The following MACROD2 variants were observed in gnomAD, a reference collection of about 807,000 sequenced individuals.
MACROD2 encodes the protein ADP-ribose glycohydrolase MACROD2.
In MACROD2, 36 loss-of-function variants were observed where a neutral mutation model predicts 70.4. That is an observed-to-expected ratio of 0.51 (90% CI 0.39 to 0.68). The LOEUF (loss-of-function observed/expected upper bound fraction) is 0.68. Among genes scored for constraint, MACROD2 ranks in the 30% least tolerant of loss-of-function variants. The probability of loss-of-function intolerance (pLI) is 0.00; values close to 1 mark genes in which losing one functional copy is unlikely to be tolerated. For missense variants in MACROD2, 496 were observed against 538.4 expected (o/e 0.92, Z 0.78); for synonymous variants, 172 against 178.8 (o/e 0.96, Z 0.30).
chr20:14,280,347 T>C (rs1271542350), intron 3 of MACROD2, among the ~76,000 whole-genome samples: 1 of 152,188 alleles, frequency 6.6e-6, no homozygotes, highest in Non-Finnish European at 1.5e-5. Context: ...TTGGAAGATA[T>C]ATGCTTAATG....
intron 4 of MACROD2, among the ~76,000 whole-genome samples, chr20:14,672,474 CAG>C (rs2070806820): frequency 6.6e-6 from 1 of 152,154 alleles, no homozygotes; most frequent in Non-Finnish European, 1.5e-5. Flanking sequence ...GGTAGGGAAA[CAG>C]ATTGTATCTC....
intron 15 of MACROD2, among the ~76,000 whole-genome samples, chr20:16,036,922 A>G (rs1314650439): frequency 4.6e-5 from 7 of 152,032 alleles, no homozygotes; most frequent in South Asian, 4.1e-4. Context: ...TATTAAATTA[A>G]TGAACAATCT....
chr20:14,948,369 G>C (rs1262854403), intron 5 of MACROD2, among the ~76,000 whole-genome samples: 2 of 152,152 alleles, frequency 1.3e-5, no homozygotes, highest in Non-Finnish European at 2.9e-5. Context: ...TCCTTAACTA[G>C]CTGTGGACCC....
chr20:14,911,788 G>A, intron 5 of MACROD2, among the ~76,000 whole-genome samples: 1 of 151,994 alleles, frequency 6.6e-6, no homozygotes, highest in South Asian at 2.1e-4. Context: ...TATTCTAAGT[G>A]TACTATATGA....
intron 8 of MACROD2, among the ~76,000 whole-genome samples, chr20:15,601,240 A>AGTG (rs1193107688): frequency 2.0e-5 from 3 of 152,120 alleles, no homozygotes; most frequent in Non-Finnish European, 4.4e-5. Flanking sequence ...GGACTGTCCA[A>AGTG]GTGGTATAGG....
chr20:14,713,183 C>T (rs1204109479), intron 5 of MACROD2, among the ~76,000 whole-genome samples: 1 of 152,074 alleles, frequency 6.6e-6, no homozygotes, highest in Non-Finnish European at 1.5e-5. Flanking sequence ...AATTGGAAGA[C>T]TTGAGGAGAA....
chr20:15,829,100 G>C (rs1397338189), intron 8 of MACROD2, among the ~76,000 whole-genome samples: 1 of 149,732 alleles, frequency 6.7e-6, no homozygotes, highest in Non-Finnish European at 1.5e-5. Flanking sequence ...GTATTTATCT[G>C]ATTATTATCG....
chr20:15,037,397 A>G (rs897092413), intron 5 of MACROD2, among the ~76,000 whole-genome samples: 2 of 152,246 alleles, frequency 1.3e-5, no homozygotes, highest in African/African-American at 4.8e-5. Context: ...CAGGTTGAGA[A>G]TTAAAAACAA....
chr20:14,882,765 T>C (rs915299768), intron 5 of MACROD2, among the ~76,000 whole-genome samples: 2 of 142,756 alleles, frequency 1.4e-5, no homozygotes, highest in African/African-American at 5.3e-5. Context: ...AAAGGAAATA[T>C]GTTGGATTGC....
At chr20:14,848,980 T>C (rs1251402878) in intron 5 of MACROD2, among the ~76,000 whole-genome samples, 1 of 152,116 alleles carries the variant, frequency 6.6e-6, no homozygotes, top group Admixed American at 6.5e-5. Context: ...AGGAACAGCA[T>C]TCTGTCTCAC....
intron 5 of MACROD2, among the ~76,000 whole-genome samples, chr20:14,944,023 A>G (rs950453087): frequency 7.2e-5 from 11 of 152,188 alleles, no homozygotes; most frequent in African/African-American, 2.7e-4. Flanking sequence ...GAATTTTAAC[A>G]GTCGTATACA....
chr20:16,044,172 G>A (rs1046956583), intron 16 of MACROD2, among the ~76,000 whole-genome samples: 4 of 152,056 alleles, frequency 2.6e-5, no homozygotes, highest in Admixed American at 2.6e-4. Flanking sequence ...GGGGGAGTAT[G>A]CAACTCACAT....
At chr20:15,253,538 A>G (rs1262709198) in intron 6 of MACROD2, among the ~76,000 whole-genome samples, 1 of 152,222 alleles carries the variant, frequency 6.6e-6, no homozygotes, top group African/African-American at 2.4e-5. Context: ...GAATCATTTC[A>G]TACTATTTGT....
At chr20:15,946,069 A>G (rs924523898) in intron 12 of MACROD2, among the ~76,000 whole-genome samples, 1 of 152,128 alleles carries the variant, frequency 6.6e-6, no homozygotes, top group Non-Finnish European at 1.5e-5. Context: ...AAATGAGTAC[A>G]CAGAAACCTC....
intron 6 of MACROD2, among the ~76,000 whole-genome samples, chr20:15,267,930 G>T (rs888722587): frequency 3.3e-5 from 5 of 152,098 alleles, no homozygotes; most frequent in Non-Finnish European, 7.4e-5. Flanking sequence ...GTTTTGTTTT[G>T]TTTGGCCCAA....
chr20:14,668,127 C>T (rs1229021180), intron 4 of MACROD2, among the ~76,000 whole-genome samples: 1 of 151,912 alleles, frequency 6.6e-6, no homozygotes, highest in Non-Finnish European at 1.5e-5. Flanking sequence ...ACACTTTAGC[C>T]TGGGCAACAG....
At chr20:14,458,994 A>G (rs2084335602) in intron 3 of MACROD2, among the ~76,000 whole-genome samples, 1 of 152,122 alleles carries the variant, frequency 6.6e-6, no homozygotes, top group African/African-American at 2.4e-5. Context: ...AACAGATATT[A>G]TACTTTTATA....
intron 6 of MACROD2, among the ~76,000 whole-genome samples, chr20:15,256,232 CTCT>C (rs1649213836): frequency 2.0e-5 from 3 of 151,942 alleles, no homozygotes; most frequent in Admixed American, 6.6e-5. Flanking sequence ...TCTTACTCTC[CTCT>C]TCTTTTGTGT....
intron 4 of MACROD2, among the ~76,000 whole-genome samples, chr20:14,618,383 A>G (rs746668376): frequency 6.6e-6 from 1 of 152,170 alleles, no homozygotes; most frequent in African/African-American, 2.4e-5. Flanking sequence ...CTGCAGTGTA[A>G]TCTTCAACAA....
Sources: gnomAD v4.1 joint callset for allele counts (sites outside exome capture counted in the v4.1 genomes callset) on GRCh38, gnomAD v4.1.1 for gene constraint, MANE v1.5 for transcripts, NCBI Gene and HGNC (gene_info 2026-07-23, HGNC 2026-07-21) for gene names.